Variants in CNTNAP2 observed in about 807,000 individuals in gnomAD.
CNTNAP2 encodes contactin associated protein 2.
A neutral mutation model predicts 155.2 loss-of-function variants in CNTNAP2; 98 were observed. The observed-to-expected ratio is 0.63, with a 90% CI of 0.54 to 0.75. CNTNAP2 has a LOEUF of 0.75. CNTNAP2 is among the 30% of genes least tolerant of loss of function. The probability of loss-of-function intolerance (pLI) is 0.00; values close to 1 mark genes in which losing one functional copy is unlikely to be tolerated. For synonymous variants in CNTNAP2, 651 were observed against 631.2 expected, an observed-to-expected ratio of 1.03 and a Z score of -0.47; for missense variants, 1,727 against 1,688.1, an observed-to-expected ratio of 1.02 and a Z score of -0.40.
At position 147,639,710 on chromosome 7, in the gene CNTNAP2, G is replaced by A. The variant is rs527776332; in HGVS notation, c.2098+404G>A. Among the ~76,000 whole-genome samples, 8 of 152,284 alleles carry A rather than the reference G, an allele frequency of 5.3e-5. No individual in the cohort carries two copies. In the East Asian group the frequency reaches 1.2e-3, roughly 22 times the overall value. ...ACAGCCAAATAGGATATAGAATAGC[G>A]ATAGAATTTAGAGCTCTTTCTTCCC... On this transcript the variant is annotated intron_variant, in intron 13 of 23. Transcript: ENST00000361727.
At chr7:146,496,020 A>G (rs1797210176) in intron 1 of CNTNAP2, among the ~76,000 whole-genome samples, 1 of 152,168 alleles carries the variant, frequency 6.6e-6, no homozygotes, top group African/African-American at 2.4e-5. Flanking sequence ...CTGGGTCTAA[A>G]TAGAAGCCCC....
At chr7:147,857,553 T>A (rs955208135) in intron 13 of CNTNAP2, among the ~76,000 whole-genome samples, 1 of 152,320 alleles carries the variant, frequency 6.6e-6, no homozygotes. Flanking sequence ...AACTAAATTG[T>A]TGAGTTGGTT....
intron 3 of CNTNAP2, among the ~76,000 whole-genome samples, chr7:146,909,302 A>G (rs2129216320): frequency 7.4e-6 from 1 of 134,610 alleles, no homozygotes; most frequent in Middle Eastern, 3.8e-3. Context: ...AACTCATTTT[A>G]TGAGGCCAGC....
At chr7:146,309,065 T>C (rs1462105302) in intron 1 of CNTNAP2, among the ~76,000 whole-genome samples, 2 of 152,188 alleles carry the variant, frequency 1.3e-5, no homozygotes, top group Non-Finnish European at 2.9e-5. Flanking sequence ...TGCTTAGTTT[T>C]AAATATTGAG....
At chr7:147,476,888 A>T (rs1453490702) in intron 10 of CNTNAP2, among the ~76,000 whole-genome samples, 2 of 147,306 alleles carry the variant, frequency 1.4e-5, no homozygotes, top group African/African-American at 2.5e-5. Context: ...AGATCATCCC[A>T]CTGCTCTCCG....
chr7:147,384,038 C>T (rs1051677977), intron 9 of CNTNAP2, among the ~76,000 whole-genome samples: 1 of 152,004 alleles, frequency 6.6e-6, no homozygotes. Flanking sequence ...TGGAAGGTGA[C>T]ATTTGAACTG....
intron 1 of CNTNAP2, among the ~76,000 whole-genome samples, chr7:146,513,109 C>T (rs921107944): frequency 6.6e-6 from 1 of 151,674 alleles, no homozygotes; most frequent in South Asian, 2.1e-4. Flanking sequence ...TATAGCTATT[C>T]CTGCTTTTTG....
rs1220396028 is a variant in CNTNAP2, at chr7:148,014,477, C to A, written c.2383+36488C>A. 3.9e-5 allele frequency among the ~76,000 whole-genome samples: 6 copies of A among 152,240 alleles called. No individual in the cohort carries two copies. The East Asian group carries it at 1.2e-3, about 29-fold the overall frequency. ...TATTTACTAGAATCTGGCAGAGATC[C>A]TAAACACCATTTACCATAACTTTGG... On this transcript the variant is annotated intron_variant, in intron 15 of 23. Transcript: ENST00000361727.
chr7:147,881,665 T>C (rs1799522623), intron 13 of CNTNAP2, among the ~76,000 whole-genome samples: 1 of 152,182 alleles, frequency 6.6e-6, no homozygotes, highest in Non-Finnish European at 1.5e-5. Flanking sequence ...AAACAATGTT[T>C]GTATCTATAC....
At chr7:146,410,447 T>G (rs1795849776) in intron 1 of CNTNAP2, among the ~76,000 whole-genome samples, 1 of 152,180 alleles carries the variant, frequency 6.6e-6, no homozygotes, top group Non-Finnish European at 1.5e-5. Flanking sequence ...CTAATATCAA[T>G]TAAATGGATA....
chr7:147,989,400 G>T (rs1465122005), intron 15 of CNTNAP2, among the ~76,000 whole-genome samples: 1 of 152,152 alleles, frequency 6.6e-6, no homozygotes. Flanking sequence ...GAGAATAATT[G>T]TAACATCACT....
rs1585074826 is a variant in CNTNAP2, at chr7:148,008,231, G to A, written c.2383+30242G>A. Among the ~76,000 whole-genome samples the A allele has an allele frequency of 3.3e-5, 5 of 151,958 alleles. No individual in the cohort carries two copies. In the South Asian group the frequency reaches 1.0e-3, roughly 32 times the overall value. Reference sequence around the variant, plus strand: ...ACAAAAAAAAAAAAAAATTAGCTGGGCATGGTGGCGGTTGCCTGTAATCCC... The same window carrying A: ...ACAAAAAAAAAAAAAAATTAGCTGGACATGGTGGCGGTTGCCTGTAATCCC... On this transcript the variant is annotated intron_variant, in intron 15 of 23. Coordinates refer to ENST00000361727, the MANE Select transcript of CNTNAP2 (RefSeq NM_014141.6).
chr7:147,628,897 G>A (rs1193994024), intron 12 of CNTNAP2, among the ~76,000 whole-genome samples: 3 of 145,118 alleles, frequency 2.1e-5, no homozygotes, highest in East Asian at 2.0e-4. Context: ...AGACAAAGAG[G>A]AACGTTATAA....
intron 8 of CNTNAP2, among the ~76,000 whole-genome samples, chr7:147,295,215 T>C (rs1419807795): frequency 1.3e-5 from 2 of 151,896 alleles, no homozygotes; most frequent in Non-Finnish European, 2.9e-5. Flanking sequence ...CCAGATGTGG[T>C]AGCAAATGGA....
At chr7:148,263,204 C>T (rs1362821624) in intron 20 of CNTNAP2, 2 of 152,150 alleles carry the variant, frequency 1.3e-5, no homozygotes, top group African/African-American at 4.8e-5. Flanking sequence ...TCTGGATATC[C>T]TCGTCACTTC....
chr7:146,314,227 C>G (rs1800873065), intron 1 of CNTNAP2, among the ~76,000 whole-genome samples: 2 of 152,076 alleles, frequency 1.3e-5, no homozygotes, highest in Admixed American at 1.3e-4. Flanking sequence ...GTCAGTGTTC[C>G]TCCTTAATCA....
chr7:146,180,626 C>A (rs902129104), intron 1 of CNTNAP2, among the ~76,000 whole-genome samples: 2 of 152,126 alleles, frequency 1.3e-5, no homozygotes, highest in African/African-American at 4.8e-5. Flanking sequence ...CTTCCTCAAT[C>A]AACAGCCCTC....
At chr7:148,134,025 G>A (rs887691198) in intron 16 of CNTNAP2, among the ~76,000 whole-genome samples, 1 of 152,130 alleles carries the variant, frequency 6.6e-6, no homozygotes, top group Non-Finnish European at 1.5e-5. Context: ...GAAGCCCAAG[G>A]ACCACTTCAA....
chr7:147,040,883 T>C (rs966963304), intron 3 of CNTNAP2, among the ~76,000 whole-genome samples: 2 of 152,220 alleles, frequency 1.3e-5, no homozygotes, highest in African/African-American at 4.8e-5. Flanking sequence ...TTCCCTTTTC[T>C]GTCACCAATG....
Sources: gnomAD v4.1 joint callset for allele counts (sites outside exome capture counted in the v4.1 genomes callset) on GRCh38, gnomAD v4.1.1 for gene constraint, MANE v1.5 for transcripts, NCBI Gene and HGNC (gene_info 2026-07-23, HGNC 2026-07-21) for gene names.